The following LARP6 variants were observed in gnomAD, a reference collection of about 807,000 sequenced individuals.
The protein encoded by LARP6 is la-related protein 6.
LARP6 carries 18 observed loss-of-function variants against 32.8 expected under a neutral mutation model. The ratio of observed to expected loss-of-function variants is 0.55; its 90% CI spans 0.38 to 0.81. LARP6 has a LOEUF of 0.81. Among genes scored for constraint, LARP6 ranks in the 40% least tolerant of loss-of-function variants. The pLI is 0.00. For synonymous variants in LARP6, 289 were observed against 267.2 expected, an observed-to-expected ratio of 1.08 and a Z score of -0.80; for missense variants, 598 against 663.1, an observed-to-expected ratio of 0.90 and a Z score of 1.08.
At chr15:70,833,682 C>T (rs547595826) in intron 2 of LARP6, among the ~76,000 whole-genome samples, 1 of 152,206 alleles carries the variant, frequency 6.6e-6, no homozygotes, top group Non-Finnish European at 1.5e-5. Flanking sequence ...TCATTACTTC[C>T]AATATTACAT....
intron 1 of LARP6, chr15:70,851,292 T>G: frequency 4.3e-6 from 1 of 231,724 alleles, no homozygotes. Flanking sequence ...TAAATCTAGA[T>G]GATGGGTATA....
intron 1 of LARP6, among the ~76,000 whole-genome samples, chr15:70,842,574 A>T (rs1357771947): frequency 6.6e-6 from 1 of 152,182 alleles, no homozygotes; most frequent in African/African-American, 2.4e-5. Context: ...CAGATTAAAT[A>T]TGTCCACAAT....
In LARP6 at chr15:70,832,641, G is replaced by T. The variant is rs767824960; in HGVS notation, c.887C>A (p.Pro296His). 2.5e-6 allele frequency: 4 copies of T among 1,609,536 alleles called. No individual in the cohort carries two copies. The highest frequency in any genetic ancestry group is 1.7e-4 in the Middle Eastern group (1 of 6,022). The change falls in exon 3 of 3, where the codon CCC becomes CAC. Residue 296 changes from proline to histidine, a missense_variant. Physicochemically the swap from Pro to His is moderately conservative, Grantham distance 77. Transcript: ENST00000299213. Reference protein sequence around the residue: ...MKAVLIGMKPPKKKPAKDKNH... With the variant: ...MKAVLIGMKPHKKKPAKDKNH... ...TTTGTCTTTGGCAGGTTTCTTTTTG[G>T]GTGGCTTCATACCAATCAGGACAGC...
At chr15:70,844,239 G>A (rs1022563775) in intron 1 of LARP6, among the ~76,000 whole-genome samples, 11 of 152,146 alleles carry the variant, frequency 7.2e-5, no homozygotes, top group African/African-American at 1.9e-4. Context: ...TTACAGGTGT[G>A]AGCCACCATG....
chr15:70,847,743 C>T (rs1185452570), intron 1 of LARP6, among the ~76,000 whole-genome samples: 3 of 152,098 alleles, frequency 2.0e-5, no homozygotes, highest in Admixed American at 2.0e-4. Flanking sequence ...TCTGGTTACA[C>T]TGATTGCGCA....
At chr15:70,836,762 G>A (rs913373476) in intron 1 of LARP6, among the ~76,000 whole-genome samples, 5 of 152,112 alleles carry the variant, frequency 3.3e-5, no homozygotes, top group African/African-American at 7.2e-5. Context: ...ATGTGAAGGC[G>A]AAGGGAGAGA....
intron 1 of LARP6, chr15:70,852,044 TC>T (rs1445874352): frequency 2.6e-6 from 1 of 379,606 alleles, no homozygotes; most frequent in African/African-American, 2.1e-5. Flanking sequence ...GGGTGTCACA[TC>T]TTAATGAGCA....
At chr15:70,833,304 G>T (rs1034706488) in intron 2 of LARP6, among the ~76,000 whole-genome samples, 188 bp from the exon 3 acceptor site, 1 of 152,142 alleles carries the variant, frequency 6.6e-6, no homozygotes, top group Non-Finnish European at 1.5e-5. Context: ...ATGAAAACAA[G>T]TTCTACCATT....
intron 2 of LARP6, 51 bp from the exon 3 acceptor site, chr15:70,833,167 C>T: frequency 6.9e-7 from 1 of 1,457,330 alleles, no homozygotes; most frequent in East Asian, 2.3e-5. Flanking sequence ...CTTGTCCATC[C>T]TTGTGTATGC....
chr15:70,845,657 G>A (rs11072224), intron 1 of LARP6, among the ~76,000 whole-genome samples: 8,914 of 152,304 alleles, frequency 0.059, 363 homozygotes, highest in African/African-American at 0.1. Context: ...CCCACACTTA[G>A]GGTGTGGGGA....
intron 1 of LARP6, 26 bp downstream of exon 1, chr15:70,853,863 C>T: frequency 1.6e-6 from 2 of 1,243,942 alleles, no homozygotes; most frequent in Non-Finnish European, 1.0e-6. Flanking sequence ...TCGGGGCCCA[C>T]CTCCCGGGCC....
At chr15:70,847,617 C>T (rs1476790108) in intron 1 of LARP6, among the ~76,000 whole-genome samples, 5 of 152,136 alleles carry the variant, frequency 3.3e-5, no homozygotes, top group Non-Finnish European at 5.9e-5. Context: ...GATCTGCCCA[C>T]CTTGGCCTCC....
chr15:70,843,948 G>A (rs1410261554), intron 1 of LARP6, among the ~76,000 whole-genome samples: 9 of 146,740 alleles, frequency 6.1e-5, no homozygotes, highest in Non-Finnish European at 1.5e-5. Flanking sequence ...GAGCAACCGC[G>A]CCCGACCTTT....
At chr15:70,840,955 C>A (rs2032244191) in intron 1 of LARP6, among the ~76,000 whole-genome samples, 1 of 151,432 alleles carries the variant, frequency 6.6e-6, no homozygotes, top group East Asian at 1.9e-4. Context: ...GCTCTTTCGC[C>A]CAGGCTGGTC....
chr15:70,844,265 G>C (rs1218322893), intron 1 of LARP6, among the ~76,000 whole-genome samples: 2 of 152,020 alleles, frequency 1.3e-5, no homozygotes, highest in Non-Finnish European at 2.9e-5. Flanking sequence ...CCCTATTTGT[G>C]TTTTAAAATA....
intron 2 of LARP6, among the ~76,000 whole-genome samples, chr15:70,836,046 A>G (rs1441147085): frequency 6.6e-6 from 1 of 152,214 alleles, no homozygotes; most frequent in Admixed American, 6.5e-5. Flanking sequence ...ACTAAGAACA[A>G]GTAACATTGT....
intron 1 of LARP6, chr15:70,852,184 C>T: frequency 2.4e-6 from 1 of 411,700 alleles, no homozygotes; most frequent in East Asian, 7.2e-5. Flanking sequence ...GGCTACATCT[C>T]CTCCTGCTCT....
At chr15:70,834,735 A>G (rs1392350383) in intron 2 of LARP6, among the ~76,000 whole-genome samples, 2 of 152,252 alleles carry the variant, frequency 1.3e-5, no homozygotes, top group Non-Finnish European at 2.9e-5. Flanking sequence ...GCCTGGGTCC[A>G]TGACCATTCA....
chr15:70,836,335 A>T lies in LARP6; in HGVS notation c.371T>A (p.Leu124Gln), dbSNP rs2141050267. The change falls in exon 2 of 3, where the codon CTG becomes CAG. Residue 124 changes from leucine (L) to glutamine (Q), a missense_variant. By Grantham distance (113) the Leu-to-Gln change is moderately radical. Transcript: ENST00000299213. ...GAGTAGCTTAACGCTCACATATCCC[A>T]GCTTGTTCCTCCTCACGTGTTTTAG... is the stretch of plus-strand genomic sequence containing the variant. ...FLLKHVRRNK[L>Q]GYVSVKLLTS... The T allele has an allele frequency of 6.2e-7, 1 of 1,614,190 alleles. No individual in the cohort carries two copies. The highest frequency in any genetic ancestry group is 1.7e-5 in the Admixed American group (1 of 60,022).
Sources: allele counts gnomAD v4.1 joint callset (sites outside exome capture counted in the v4.1 genomes callset), GRCh38; gene constraint gnomAD v4.1.1; transcripts MANE v1.5; gene names NCBI Gene and HGNC (gene_info 2026-07-23, HGNC 2026-07-21).